The following NCK2 variants were observed in gnomAD, a reference collection of about 807,000 sequenced individuals.
The protein encoded by NCK2 is NCK adaptor protein 2.
In NCK2, 16 loss-of-function variants were observed where a neutral mutation model predicts 33.9. The observed-to-expected ratio is 0.47, with a 90% CI of 0.32 to 0.72. NCK2 has a LOEUF of 0.72. Among genes scored for constraint, NCK2 ranks in the 30% least tolerant of loss-of-function variants. The pLI is 0.03. For missense variants in NCK2, 418 were observed against 537.3 expected (o/e 0.78, Z 2.19); for synonymous variants, 273 against 239.9 (o/e 1.14, Z -1.27).
intron 2 of NCK2, chr2:105,851,931 T>A (rs1677085053): frequency 6.6e-6 from 1 of 152,326 alleles, no homozygotes; most frequent in Non-Finnish European, 1.5e-5. Context: ...TTGGTTTAAA[T>A]TGATGGGGGC....
chr2:105,832,868 CGTTTCGTTTTT>C (rs1676251065), intron 2 of NCK2, among the ~76,000 whole-genome samples: 12 of 146,846 alleles, frequency 8.2e-5, no homozygotes, highest in African/African-American at 2.5e-4. Context: ...TATTTTGTTT[CGTTTCGTTTTT>C]GTTTCGTTTT....
chr2:105,784,839 G>A (rs1463201978), intron 1 of NCK2, among the ~76,000 whole-genome samples: 2 of 152,152 alleles, frequency 1.3e-5, no homozygotes, highest in Non-Finnish European at 2.9e-5. Context: ...TGTGTCCTCA[G>A]ATACTGACAG....
chr2:105,881,202 A>G (rs1039741813), intron 3 of NCK2, 126 bp from the exon 4 acceptor site: 2 of 1,305,838 alleles, frequency 1.5e-6, no homozygotes, highest in Non-Finnish European at 1.0e-6. Context: ...ACAGTTTGTA[A>G]GCACTGTCCA....
rs758238053 is a variant in NCK2 at position 105,882,056 on chromosome 2, G to A, written c.948+7G>A. ...TAGGGACAGCGAGTCCTCGGTAAGT[G>A]CGCTGCGCCCACAGCTCCGGCTGCA... On this transcript the variant is annotated splice_region_variant and intron_variant, in intron 4 of 4. Transcript: ENST00000233154. 6.7e-7 allele frequency: 1 copy of A among 1,492,656 alleles called. No individual in the cohort carries two copies. The highest frequency in any genetic ancestry group is 1.4e-5 in the South Asian group (1 of 70,970). The allele number at this position is 1,492,656 out of a possible 1,614,324, so 92.5% of individuals were successfully genotyped here.
rs530738573 is a variant in NCK2, at chr2:105,869,417, G to T, written c.227-11911G>T. Reference sequence around the variant, plus strand: ...CCACGGGTACCAGGGGTTTCCTTGTGTTACAGATGAAGACATGTAGATGCA... The same window carrying T: ...CCACGGGTACCAGGGGTTTCCTTGTTTTACAGATGAAGACATGTAGATGCA... On this transcript the variant is annotated intron_variant, in intron 3 of 4. Coordinates refer to ENST00000233154, the MANE Select transcript of NCK2 (RefSeq NM_003581.5). Among the ~76,000 whole-genome samples the T allele has an allele frequency of 1.2e-4, 18 of 152,290 alleles. No individual in the cohort carries two copies. In the South Asian group the frequency reaches 3.5e-3, roughly 30 times the overall value.
At chr2:105,847,584 G>A (rs911225653) in intron 2 of NCK2, among the ~76,000 whole-genome samples, 3 of 152,060 alleles carry the variant, frequency 2.0e-5, no homozygotes, top group South Asian at 2.1e-4. Context: ...AATGGGAAGT[G>A]GATGAGCTTT....
intron 1 of NCK2, among the ~76,000 whole-genome samples, chr2:105,772,221 T>C (rs1690157173): frequency 6.6e-6 from 1 of 152,028 alleles, no homozygotes; most frequent in African/African-American, 2.4e-5. Context: ...GGCCCTGAGT[T>C]TGAGAACCAT....
At chr2:105,871,538 C>T (rs547560819) in intron 3 of NCK2, among the ~76,000 whole-genome samples, 2 of 152,082 alleles carry the variant, frequency 1.3e-5, no homozygotes, top group Admixed American at 1.3e-4. Flanking sequence ...CTCTGTCGCC[C>T]AGGCTGGAGT....
At chr2:105,884,551 T>C (rs952560220) in intron 4 of NCK2, among the ~76,000 whole-genome samples, 2 of 152,230 alleles carry the variant, frequency 1.3e-5, no homozygotes, top group Non-Finnish European at 2.9e-5. Flanking sequence ...GAATGGATCT[T>C]CAATAAAATA....
At chr2:105,780,785 A>C (rs753575284) in intron 1 of NCK2, among the ~76,000 whole-genome samples, 3 of 152,240 alleles carry the variant, frequency 2.0e-5, no homozygotes, top group Non-Finnish European at 4.4e-5. Context: ...CCCCTTCAGC[A>C]TGTGAGGACA....
chr2:105,782,357 A>G (rs1690528473), intron 1 of NCK2, among the ~76,000 whole-genome samples: 1 of 152,176 alleles, frequency 6.6e-6, no homozygotes, highest in South Asian at 2.1e-4. Flanking sequence ...TCTGCCACCA[A>G]AAATCTCCCT....
chr2:105,879,855 G>T (rs549488276), intron 3 of NCK2, among the ~76,000 whole-genome samples: 9 of 152,346 alleles, frequency 5.9e-5, no homozygotes, highest in African/African-American at 1.7e-4. Flanking sequence ...GGAGAAAGGG[G>T]TACAAGCTAC....
At chr2:105,867,778 A>G (rs931000235) in intron 3 of NCK2, among the ~76,000 whole-genome samples, 3 of 152,212 alleles carry the variant, frequency 2.0e-5, no homozygotes, top group African/African-American at 7.2e-5. Context: ...TCTTACTAAG[A>G]TGATCTCACC....
intron 1 of NCK2, among the ~76,000 whole-genome samples, chr2:105,765,803 G>GTGTGTGTGTGTC (rs1689919478): frequency 1.3e-5 from 2 of 150,548 alleles, no homozygotes; most frequent in South Asian, 2.1e-4. Flanking sequence ...GTGTGTGTGT[G>GTGTGTGTGTGTC]TGTGTGTGTG....
chr2:105,772,244 A>G (rs1459934172), intron 1 of NCK2, among the ~76,000 whole-genome samples: 1 of 151,952 alleles, frequency 6.6e-6, no homozygotes, highest in Non-Finnish European at 1.5e-5. Flanking sequence ...ATTTATTTAG[A>G]CTGTTGATTT....
intron 1 of NCK2, among the ~76,000 whole-genome samples, chr2:105,810,365 A>G (rs1675244184): frequency 6.6e-6 from 1 of 151,902 alleles, no homozygotes; most frequent in African/African-American, 2.4e-5. Context: ...AGCTGGCAGT[A>G]GAGGGAGGGA....
chr2:105,893,188 C>T lies in NCK2; in HGVS notation c.*12C>T, dbSNP rs1178802460. The T allele has an allele frequency of 6.4e-7, 1 of 1,570,384 alleles. No individual in the cohort carries two copies. Among genetic ancestry groups the T allele is most frequent in the South Asian group, 1.2e-5 (1 of 86,452 alleles). On this transcript the variant is annotated 3_prime_UTR_variant, in exon 5 of 5. Transcript: ENST00000233154. ...GGGCCCTGCAGTGACGGCGCCCCGG[C>T]CCCACACTCGCCTCCCGGGCCCCAC...
chr2:105,882,100 C>A (rs372614133), intron 4 of NCK2, 51 bp downstream of exon 4: 2 of 1,457,258 alleles, frequency 1.4e-6, no homozygotes, highest in Middle Eastern at 2.1e-4. Flanking sequence ...ATGCGCCTTG[C>A]GCGGTGGGTC....
intron 1 of NCK2, among the ~76,000 whole-genome samples, chr2:105,788,521 AATACAAG>A (rs1476151373): frequency 1.3e-5 from 2 of 152,196 alleles, no homozygotes; most frequent in African/African-American, 4.8e-5. Flanking sequence ...TTGAACAAGT[AATACAAG>A]CAATATATAT....
Sources: allele counts gnomAD v4.1 joint callset (sites outside exome capture counted in the v4.1 genomes callset), GRCh38; gene constraint gnomAD v4.1.1; transcripts MANE v1.5; gene names NCBI Gene and HGNC (gene_info 2026-07-23, HGNC 2026-07-21).